DRD2: variants seen among roughly 807,000 people sequenced by gnomAD.
The protein encoded by DRD2 is dopamine receptor D2, also known as D(2) dopamine receptor.
Under a neutral mutation model 38.0 loss-of-function variants are expected in DRD2, and 8 were observed. The observed-to-expected ratio is 0.21, with a 90% confidence interval of 0.12 to 0.38. The LOEUF (loss-of-function observed/expected upper bound fraction) is 0.38, where lower values mean the gene tolerates loss of function less well. DRD2 is among the 10% of genes least tolerant of loss of function. DRD2 has a pLI of 1.00. For missense variants in DRD2, 403 were observed against 607.7 expected, an observed-to-expected ratio of 0.66 and a Z score of 3.54; for synonymous variants, 230 against 238.6, an observed-to-expected ratio of 0.96 and a Z score of 0.33.
chr11:113,467,765 G>C (rs1423846239), intron 1 of DRD2, among the ~76,000 whole-genome samples: 1 of 152,184 alleles, frequency 6.6e-6, no homozygotes, highest in East Asian at 1.9e-4. Flanking sequence ...CCTCTTCCTA[G>C]CTCATGTGGT....
intron 3 of DRD2, 48 bp downstream of exon 3, chr11:113,417,979 A>C: frequency 6.6e-7 from 1 of 1,517,896 alleles, no homozygotes; most frequent in Non-Finnish European, 9.1e-7. Flanking sequence ...TGGGGCAGCC[A>C]GAATGGTGAG....
At chr11:113,412,480 C>A in intron 7 of DRD2, 76 bp downstream of exon 7, 1 of 1,564,964 alleles carries the variant, frequency 6.4e-7, no homozygotes, top group South Asian at 1.1e-5. Context: ...ATCCTGCAGC[C>A]ATGGTTAGGA....
intron 1 of DRD2, among the ~76,000 whole-genome samples, chr11:113,472,202 C>T (rs939500551): frequency 6.6e-6 from 1 of 152,266 alleles, no homozygotes; most frequent in Non-Finnish European, 1.5e-5. Flanking sequence ...TACACATACA[C>T]ACAGTGCTAT....
At chr11:113,472,032 A>T (rs996687783) in intron 1 of DRD2, among the ~76,000 whole-genome samples, 4 of 152,206 alleles carry the variant, frequency 2.6e-5, no homozygotes, top group African/African-American at 9.7e-5. Flanking sequence ...GTGTTGAGGC[A>T]CCTTCACTGT....
intron 2 of DRD2, among the ~76,000 whole-genome samples, chr11:113,421,817 C>G (rs75627882): frequency 6.6e-6 from 1 of 152,084 alleles, no homozygotes; most frequent in Admixed American, 6.5e-5. Context: ...GACAACAAAT[C>G]GCTGAGATAA....
At position 113,415,411 on chromosome 11, in the gene DRD2, G is replaced by A; in HGVS notation, c.723+10C>T. ...GGACCCTTGGAGTTGGTTGGGGGGT[G>A]TCTTGAGACCTTTAGTGGAGCCCTC... On this transcript the variant is annotated intron_variant, in intron 5 of 7. Coordinates refer to ENST00000362072, the MANE Select transcript of DRD2 (RefSeq NM_000795.4). 1 of 1,607,634 alleles carries A rather than the reference G, an allele frequency of 6.2e-7. No individual in the cohort carries two copies. Among genetic ancestry groups the A allele is most frequent in the South Asian group, 1.1e-5 (1 of 90,356 alleles).
rs556471372 is a variant in DRD2, at chr11:113,442,656, A to T, written c.-31-17974T>A. Among the ~76,000 whole-genome samples, 27 of 152,298 alleles carry T rather than the reference A, an allele frequency of 1.8e-4. 1 individual carries two copies. Among genetic ancestry groups the T allele is most frequent in the Middle Eastern group, 6.8e-3 (2 of 294 alleles). ...TGATATTCCATGGGACACAGCAAACACAAATCTCTCTCCCTAAAGGTTCCA... is the reference window on the plus strand; with the variant it reads ...TGATATTCCATGGGACACAGCAAACTCAAATCTCTCTCCCTAAAGGTTCCA... On this transcript the variant is annotated intron_variant, in intron 1 of 7. Coordinates refer to ENST00000362072, the MANE Select transcript of DRD2 (RefSeq NM_000795.4).
intron 1 of DRD2, among the ~76,000 whole-genome samples, chr11:113,452,108 G>A (rs188434619): frequency 5.1e-4 from 78 of 152,190 alleles, no homozygotes; most frequent in African/African-American, 1.8e-3. Context: ...GGATCTGTGC[G>A]TCAAGTTCGG....
At chr11:113,471,444 T>C (rs142310975) in intron 1 of DRD2, among the ~76,000 whole-genome samples, 3 of 152,272 alleles carry the variant, frequency 2.0e-5, no homozygotes, top group East Asian at 1.9e-4. Context: ...CCAAGGTCCT[T>C]CCAAGGCCAC....
At chr11:113,472,468 A>T (rs1951438430) in intron 1 of DRD2, among the ~76,000 whole-genome samples, 1 of 152,184 alleles carries the variant, frequency 6.6e-6, no homozygotes, top group Admixed American at 6.5e-5. Flanking sequence ...TCAATTTCAG[A>T]TTCTCCTATA....
intron 1 of DRD2, among the ~76,000 whole-genome samples, chr11:113,467,168 C>T (rs984325606): frequency 6.6e-6 from 1 of 152,126 alleles, no homozygotes; most frequent in Non-Finnish European, 1.5e-5. Flanking sequence ...GTTGAAAGGG[C>T]TGAGTCCAAA....
intron 1 of DRD2, among the ~76,000 whole-genome samples, chr11:113,464,954 A>G (rs1951354066): frequency 1.3e-5 from 2 of 152,088 alleles, no homozygotes; most frequent in Non-Finnish European, 2.9e-5. Context: ...CGAATTTAAG[A>G]TATCTTTTCA....
chr11:113,423,336 T>C (rs909321063), intron 2 of DRD2, among the ~76,000 whole-genome samples: 5 of 152,080 alleles, frequency 3.3e-5, no homozygotes, highest in African/African-American at 1.2e-4. Context: ...AGTGCAATGG[T>C]ATGATCTCAG....
At chr11:113,471,143 T>G (rs1374415168) in intron 1 of DRD2, among the ~76,000 whole-genome samples, 2 of 152,242 alleles carry the variant, frequency 1.3e-5, no homozygotes, top group Non-Finnish European at 2.9e-5. Context: ...GTGCTGACAC[T>G]ATAATCAAGC....
chr11:113,469,691 T>A (rs1951403716), intron 1 of DRD2, among the ~76,000 whole-genome samples: 1 of 151,972 alleles, frequency 6.6e-6, no homozygotes, highest in Admixed American at 6.6e-5. Context: ...CTTTAAAAAA[T>A]TAGTTGGGCA....
chr11:113,430,964 A>G (rs1334432104), intron 1 of DRD2, among the ~76,000 whole-genome samples: 1 of 152,232 alleles, frequency 6.6e-6, no homozygotes, highest in Non-Finnish European at 1.5e-5. Flanking sequence ...AGACAAATAA[A>G]GTGGCACAGT....
intron 1 of DRD2, among the ~76,000 whole-genome samples, chr11:113,460,320 G>A (rs1299436506): frequency 6.6e-6 from 1 of 152,250 alleles, no homozygotes; most frequent in African/African-American, 2.4e-5. Flanking sequence ...GATGGAACAG[G>A]GACTGGGCAG....
chr11:113,436,056 G>C (rs1007995274), intron 1 of DRD2, among the ~76,000 whole-genome samples: 3 of 152,146 alleles, frequency 2.0e-5, no homozygotes, highest in Admixed American at 6.5e-5. Context: ...TTGTCCCCAC[G>C]TTTCTCATCC....
At chr11:113,449,660 C>T (rs77195172) in intron 1 of DRD2, among the ~76,000 whole-genome samples, 8,036 of 152,136 alleles carry the variant, frequency 0.053, 259 homozygotes, top group East Asian at 0.075. Context: ...CCCACCAAGA[C>T]GGTGTCAGCC....
Sources: gnomAD v4.1 joint callset for allele counts (sites outside exome capture counted in the v4.1 genomes callset) on GRCh38, gnomAD v4.1.1 for gene constraint, MANE v1.5 for transcripts, NCBI Gene and HGNC (gene_info 2026-07-23, HGNC 2026-07-21) for gene names.